The following GBP6 variants were observed in gnomAD, a reference collection of about 807,000 sequenced individuals.
GBP6 encodes guanylate binding protein family member 6.
In GBP6, 54 loss-of-function variants were observed where a neutral mutation model predicts 61.5. The observed-to-expected ratio is 0.88, with a 90% CI of 0.71 to 1.10. The LOEUF (loss-of-function observed/expected upper bound fraction) is 1.10, where lower values mean the gene tolerates loss of function less well. Ranked by LOEUF, GBP6 falls within the 50% of genes least tolerant of loss-of-function variation. The probability of loss-of-function intolerance (pLI) is 0.00; values close to 1 mark genes in which losing one functional copy is unlikely to be tolerated. For missense variants in GBP6, 748 were observed against 752.8 expected, an observed-to-expected ratio of 0.99 and a Z score of 0.07; for synonymous variants, 255 against 273.7, an observed-to-expected ratio of 0.93 and a Z score of 0.67.
chr1:89,384,786 A>C (rs1004119772), intron 10 of GBP6, among the ~76,000 whole-genome samples: 11 of 152,226 alleles, frequency 7.2e-5, no homozygotes, highest in African/African-American at 2.7e-4. Flanking sequence ...GTCACCCTGT[A>C]TAGGTAGCCT....
rs541901327 is a variant in GBP6, at chr1:89,386,129, A to T, written c.*660A>T. 1.5e-4 allele frequency: 23 copies of T among 152,132 alleles called. No homozygotes were observed. Among genetic ancestry groups the T allele is most frequent in the Admixed American group, 1.4e-3 (22 of 15,276 alleles). 9.4% of individuals were successfully genotyped at this position (152,132 alleles called of 1,614,324 possible). ...TTGACAATGAAGCTCTATTTGTACC[A>T]GTAAAGAATGGTCTTGAAGAGACAT... On this transcript the variant is annotated 3_prime_UTR_variant, in exon 11 of 11. Transcript: ENST00000370456.
At chr1:89,378,383 G>T in intron 4 of GBP6, 34 bp from the exon 5 acceptor site, 1 of 1,589,638 alleles carries the variant, frequency 6.3e-7, no homozygotes, top group Non-Finnish European at 8.6e-7. Flanking sequence ...GTGAATTGTG[G>T]GCAGACAGTT....
intron 2 of GBP6, 108 bp from the exon 3 acceptor site, chr1:89,369,438 C>T (rs1652559176): frequency 7.8e-7 from 1 of 1,286,238 alleles, no homozygotes; most frequent in African/African-American, 1.5e-5. Flanking sequence ...CAGAAAGGAC[C>T]ATCATGTATG....
At chr1:89,370,804 C>G (rs188871418) in intron 3 of GBP6, among the ~76,000 whole-genome samples, 2 of 152,246 alleles carry the variant, frequency 1.3e-5, no homozygotes, top group Admixed American at 1.3e-4. Context: ...TTACCGTTTT[C>G]TTTTTTCTAT....
Position 89,381,676 on chromosome 1 carries a change from A to C in GBP6, c.872-18A>C. 6.3e-7 allele frequency: 1 copy of C among 1,580,452 alleles called. No individual in the cohort carries two copies. Among genetic ancestry groups the C allele is most frequent in the South Asian group, 1.1e-5 (1 of 87,064 alleles). ...CTTTAATTTCATATTTAGCCCCTAA[A>C]TCTCCTGGTTCATTTAGGTCTGGGA... On this transcript the variant is annotated intron_variant, in intron 6 of 10. Coordinates refer to ENST00000370456, the MANE Select transcript of GBP6 (RefSeq NM_198460.3).
In GBP6 at chr1:89,369,736, T is replaced by A. The variant is rs1021725066; in HGVS notation, c.318+63T>A. 4.6e-6 allele frequency: 7 copies of A among 1,537,410 alleles called. No homozygotes were observed. In the Admixed American group the frequency reaches 1.2e-4, roughly 26 times the overall value. On this transcript the variant is annotated intron_variant, in intron 3 of 10. Coordinates refer to ENST00000370456, the MANE Select transcript of GBP6 (RefSeq NM_198460.3). The stretch of plus-strand genomic sequence containing the variant: ...AGACGTGATCCTTGTAATTAAACTG[T>A]TGTGATCTATTTGTGCAAACTAGAA...
In GBP6 at chr1:89,369,527, T is replaced by C; in HGVS notation, c.191-19T>C. 1 of 1,610,660 alleles carries C rather than the reference T, an allele frequency of 6.2e-7. No individual in the cohort carries two copies. Among genetic ancestry groups the C allele is most frequent in the South Asian group, 1.1e-5 (1 of 90,630 alleles). ...CTGCTCTGCTGTCCCTGTGCTTAGC[T>C]TCCTCCTCTTCCCTGCAGGCTTCCC... On this transcript the variant is annotated intron_variant, in intron 2 of 10. Transcript: ENST00000370456.
At position 89,378,499 on chromosome 1, in the gene GBP6, A is replaced by G; in HGVS notation, c.511A>G (p.Ser171Gly). ...DGVEDSTEFV[S>G]FFPDFLWTVR... ...AGTAGAAGATTCCACAGAGTTTGTG[A>G]GTTTCTTCCCAGACTTTCTTTGGAC... The change falls in exon 5 of 11, where the codon AGT becomes GGT. Residue 171 changes from serine to glycine, a missense_variant. By Grantham distance (56) the Ser-to-Gly change is moderately conservative. Coordinates refer to ENST00000370456, the MANE Select transcript of GBP6 (RefSeq NM_198460.3). The G allele has an allele frequency of 6.2e-7, 1 of 1,614,102 alleles. No individual in the cohort carries two copies. The highest frequency in any genetic ancestry group is 8.5e-7 in the Non-Finnish European group (1 of 1,179,988).
chr1:89,376,451 C>G, intron 3 of GBP6, among the ~76,000 whole-genome samples: 1 of 152,122 alleles, frequency 6.6e-6, no homozygotes, highest in East Asian at 1.9e-4. Context: ...TTTCCCAGCA[C>G]CATTTATTGA....
intron 10 of GBP6, 65 bp from the exon 11 acceptor site, chr1:89,385,165 A>C: frequency 1.4e-6 from 2 of 1,430,532 alleles, no homozygotes. Context: ...TTTTAAATAC[A>C]AAATGTAAGT....
intron 3 of GBP6, among the ~76,000 whole-genome samples, chr1:89,376,736 T>A (rs1307708831): frequency 6.6e-6 from 1 of 152,152 alleles, no homozygotes; most frequent in East Asian, 1.9e-4. Context: ...TTTTTTTATA[T>A]TTATTTAAGA....
Position 89,378,421 on chromosome 1 carries a change from G to A in GBP6, c.433G>A (p.Val145Met). Residue 145 changes from valine (V) to methionine (M), a missense_variant, in exon 5 of 11, where the codon GTG becomes ATG. Val to Met is a conservative substitution (Grantham distance 21, BLOSUM62 1). Coordinates refer to ENST00000370456, the MANE Select transcript of GBP6 (RefSeq NM_198460.3). ...TTTTCCTTACCTAAGTCCTAGTTAT[G>A]TGACGGAGCTCACAGAACTAATTAA... ...NHQALEQLHYVTELTELIKAK... is the reference protein window; with the variant it reads ...NHQALEQLHYMTELTELIKAK... 6.2e-7 allele frequency: 1 copy of A among 1,613,002 alleles called. No individual in the cohort carries two copies. Among genetic ancestry groups the A allele is most frequent in the Admixed American group, 1.7e-5 (1 of 59,654 alleles).
rs1382516168 is a variant in GBP6 at position 89,384,287 on chromosome 1, G to T, written c.1662+1G>T. On this transcript the variant is annotated splice_donor_variant, in intron 10 of 10. Transcript: ENST00000370456. LOFTEE classifies it high-confidence loss of function. ...TATGATGTTGGAGCACACGCAGAAGGTAAGTCTGCCCTTGGCCTCAGCAGG... is the reference window on the plus strand; with the variant it reads ...TATGATGTTGGAGCACACGCAGAAGTTAAGTCTGCCCTTGGCCTCAGCAGG... 2.5e-6 allele frequency: 4 copies of T among 1,607,500 alleles called. No individual in the cohort carries two copies. In the African/African-American group the frequency reaches 5.4e-5, roughly 22 times the overall value.
chr1:89,378,251 T>G, intron 4 of GBP6, 39 bp downstream of exon 4: 1 of 1,585,902 alleles, frequency 6.3e-7, no homozygotes, highest in East Asian at 2.2e-5. Flanking sequence ...CCAGGTTTCA[T>G]TGACTTTATA....
In GBP6 at chr1:89,385,210, C is replaced by A; in HGVS notation, c.1663-20C>A. 1 of 1,593,184 alleles carries A rather than the reference C, an allele frequency of 6.3e-7. No individual in the cohort carries two copies. Among genetic ancestry groups the A allele is most frequent in the Non-Finnish European group, 8.6e-7 (1 of 1,168,508 alleles). ...ATAGGGATTTTTAAAAATTTACTTT[C>A]CTTCCTACATTGTCTTTAGGTCCAA... On this transcript the variant is annotated intron_variant, in intron 10 of 10. Transcript: ENST00000370456.
rs540766724 is a variant in GBP6, at chr1:89,377,767, T to C, written c.319-336T>C. Among the ~76,000 whole-genome samples, 13 of 152,362 alleles carry C rather than the reference T, an allele frequency of 8.5e-5. 1 individual carries two copies. The South Asian group carries it at 2.5e-3, about 29-fold the overall frequency. On this transcript the variant is annotated intron_variant, in intron 3 of 10. Transcript: ENST00000370456. ...ACTATGGTATGGTTTTTATATGTGA[T>C]GCATGGCCAATAAATATGTGTAGAC...
At chr1:89,383,027 T>G in intron 8 of GBP6, 151 bp downstream of exon 8, 1 of 579,048 alleles carries the variant, frequency 1.7e-6, no homozygotes, top group African/African-American at 1.9e-5. Context: ...AATAAAAATT[T>G]TTATTCCAAA....
rs1653151024 is a variant in GBP6 at position 89,386,561 on chromosome 1, A to G, written c.*1092A>G. 1 of 152,156 alleles carries G rather than the reference A, an allele frequency of 6.6e-6. No individual in the cohort carries two copies. The highest frequency in any genetic ancestry group is 1.5e-5 in the Non-Finnish European group (1 of 68,016). The allele number at this position is 152,156 out of a possible 1,614,324, so 9.4% of individuals were successfully genotyped here. On this transcript the variant is annotated 3_prime_UTR_variant, in exon 11 of 11. Coordinates refer to ENST00000370456, the MANE Select transcript of GBP6 (RefSeq NM_198460.3). ...TACTAGAATGCAAAAAATTTGCATC[A>G]TATTCTTGTTTTCATTTTGGCCTGG...
At chr1:89,366,499 A>G (rs1183712540) in intron 1 of GBP6, among the ~76,000 whole-genome samples, 1 of 152,168 alleles carries the variant, frequency 6.6e-6, no homozygotes, top group African/African-American at 2.4e-5. Context: ...ATAAGGTCAC[A>G]CTGATGCATT....
Sources: gnomAD v4.1 joint callset for allele counts (sites outside exome capture counted in the v4.1 genomes callset) on GRCh38, gnomAD v4.1.1 for gene constraint, MANE v1.5 for transcripts, NCBI Gene and HGNC (gene_info 2026-07-23, HGNC 2026-07-21) for gene names.